Variants in ALDH9A1 observed in about 807,000 individuals in gnomAD.
ALDH9A1 encodes aldehyde dehydrogenase 9 family member A1.
A neutral mutation model predicts 56.6 loss-of-function variants in ALDH9A1; 42 were observed. The ratio of observed to expected loss-of-function variants is 0.74; its 90% confidence interval spans 0.58 to 0.96. The LOEUF (loss-of-function observed/expected upper bound fraction) is 0.96, where lower values mean the gene tolerates loss of function less well. Ranked by LOEUF, ALDH9A1 falls within the 40% of genes least tolerant of loss-of-function variation. ALDH9A1 has a pLI of 0.00. For synonymous variants in ALDH9A1, 242 were observed against 236.0 expected (o/e 1.03, Z -0.23); for missense variants, 661 against 651.5 (o/e 1.01, Z -0.16).
intron 2 of ALDH9A1, among the ~76,000 whole-genome samples, chr1:165,689,150 C>T (rs1571182735): frequency 6.6e-6 from 1 of 152,208 alleles, no homozygotes; most frequent in Non-Finnish European, 1.5e-5. Flanking sequence ...TTTGAGTTAT[C>T]TTTGGTTTAT....
intron 9 of ALDH9A1, among the ~76,000 whole-genome samples, chr1:165,666,842 T>G (rs960204947): frequency 2.0e-5 from 3 of 152,146 alleles, no homozygotes; most frequent in Non-Finnish European, 4.4e-5. Context: ...CACAAAGATA[T>G]TAATCATATT....
At chr1:165,696,117 G>T (rs1331988099) in intron 1 of ALDH9A1, among the ~76,000 whole-genome samples, 2 of 152,112 alleles carry the variant, frequency 1.3e-5, no homozygotes. Context: ...CTCCCCAAGT[G>T]CTGGGATTAC....
rs372810666 is a variant in ALDH9A1 at position 165,682,114 on chromosome 1, T to C, written c.585A>G (p.Leu195=). The C allele has an allele frequency of 1.0e-4, 164 of 1,613,990 alleles. No individual in the cohort carries two copies. Among genetic ancestry groups the C allele is most frequent in the Non-Finnish European group, 1.4e-4 (162 of 1,179,974 alleles). The change falls in exon 4 of 11, where the codon TTA becomes TTG. Residue 195 remains leucine, a synonymous_variant. Coordinates refer to ENST00000354775, the MANE Select transcript of ALDH9A1 (RefSeq NM_000696.4). ...QIASWKSAPA[L]ACGNAMVFKP... is the part of the protein sequence containing the mutation. ...GGGATAATTCATTCTTACCACAGGC[T>C]AATGCTGGAGCCGACTTCCAAGAGG...
chr1:165,687,527 T>C (rs1461188921), intron 2 of ALDH9A1, among the ~76,000 whole-genome samples: 1 of 152,064 alleles, frequency 6.6e-6, no homozygotes, highest in East Asian at 1.9e-4. Context: ...AAAATGACAG[T>C]AAATTTCTCT....
At chr1:165,666,276 T>C (rs1022221455) in intron 9 of ALDH9A1, among the ~76,000 whole-genome samples, 1 of 152,166 alleles carries the variant, frequency 6.6e-6, no homozygotes, top group African/African-American at 2.4e-5. Context: ...CAACAGTTAA[T>C]GGGCACAAGG....
At position 165,669,432 on chromosome 1, in the gene ALDH9A1, T is replaced by G. The variant is rs756027871; in HGVS notation, c.949A>C (p.Arg317=). 8 of 1,612,804 alleles carry G rather than the reference T, an allele frequency of 5.0e-6. No individual in the cohort carries two copies. The highest frequency in any genetic ancestry group is 6.8e-6 in the Non-Finnish European group (8 of 1,179,462). Residue 317 remains arginine, a synonymous_variant, in exon 7 of 11, where the codon AGA becomes CGA. Coordinates refer to ENST00000354775, the MANE Select transcript of ALDH9A1 (RefSeq NM_000696.4). Reference sequence around the variant, plus strand: ...AGAATTTCTTTCTGCACAAATACTCTTGTGCCATTACAGCAAACCTAAAGG... The same window carrying G: ...AGAATTTCTTTCTGCACAAATACTCGTGTGCCATTACAGCAAACCTAAAGG... ...TQGQVCCNGT[R]VFVQKEILDK...
chr1:165,663,817 G>A (rs1648917849), intron 10 of ALDH9A1, among the ~76,000 whole-genome samples: 1 of 152,198 alleles, frequency 6.6e-6, no homozygotes, highest in South Asian at 2.1e-4. Flanking sequence ...AAAGGTCCTG[G>A]GAAAACCTCA....
chr1:165,671,802 C>A, intron 6 of ALDH9A1: 1 of 237,258 alleles, frequency 4.2e-6, no homozygotes. Flanking sequence ...TGCAACATTT[C>A]CTTTTAGAGA....
chr1:165,670,095 C>T (rs918030819), intron 6 of ALDH9A1, among the ~76,000 whole-genome samples: 2 of 152,104 alleles, frequency 1.3e-5, no homozygotes, highest in Admixed American at 6.6e-5. Flanking sequence ...ACATATCTTA[C>T]ATCACATATA....
chr1:165,679,551 G>A lies in ALDH9A1; in HGVS notation c.821C>T (p.Pro274Leu). The change falls in exon 6 of 11, where the codon CCT (proline) becomes CTT (leucine). Residue 274 changes from proline to leucine, a missense_variant. By Grantham distance (98) the Pro-to-Leu change is moderately conservative (BLOSUM62 -3). Coordinates refer to ENST00000354775, the MANE Select transcript of ALDH9A1 (RefSeq NM_000696.4). ...TTTGCCTCCAAGTTCCAAGGTAACAGGTTTGATTCCTTTAGCTGACATCTC... is the reference window on the plus strand; with the variant it reads ...TTTGCCTCCAAGTTCCAAGGTAACAAGTTTGATTCCTTTAGCTGACATCTC... ...IMEMSAKGIK[P>L]VTLELGGKSP... The A allele has an allele frequency of 2.5e-6, 4 of 1,614,118 alleles. No individual in the cohort carries two copies. The highest frequency in any genetic ancestry group is 3.4e-6 in the Non-Finnish European group (4 of 1,180,014).
intron 2 of ALDH9A1, among the ~76,000 whole-genome samples, chr1:165,689,650 T>G (rs1649822637): frequency 2.0e-5 from 3 of 152,200 alleles, no homozygotes; most frequent in Admixed American, 2.0e-4. Context: ...ACAAAAAAAC[T>G]AGGCCGGATG....
chr1:165,692,087 T>C (rs1270896502), intron 2 of ALDH9A1, among the ~76,000 whole-genome samples: 6 of 152,164 alleles, frequency 3.9e-5, no homozygotes, highest in Admixed American at 3.9e-4. Context: ...TAAGAGCTAT[T>C]TATGACAAAC....
At chr1:165,686,811 G>A (rs1649723956) in intron 2 of ALDH9A1, among the ~76,000 whole-genome samples, 1 of 152,100 alleles carries the variant, frequency 6.6e-6, no homozygotes, top group Non-Finnish European at 1.5e-5. Flanking sequence ...TATGTCTAGT[G>A]ATCAAAAACT....
intron 6 of ALDH9A1, among the ~76,000 whole-genome samples, chr1:165,670,686 T>C (rs1427028785): frequency 6.6e-6 from 1 of 152,194 alleles, no homozygotes; most frequent in East Asian, 1.9e-4. Context: ...CTCTTAACAA[T>C]TAATGGAAAA....
At chr1:165,665,268 A>C in intron 9 of ALDH9A1, 138 bp from the exon 10 acceptor site, 4 of 698,784 alleles carry the variant, frequency 5.7e-6, no homozygotes, top group Middle Eastern at 6.4e-4. Context: ...AAAATCTTTT[A>C]TCATCCAGGC....
At chr1:165,679,326 A>G in intron 6 of ALDH9A1, 116 bp downstream of exon 6, 8 of 1,218,606 alleles carry the variant, frequency 6.6e-6, no homozygotes, top group Non-Finnish European at 9.1e-6. Flanking sequence ...TCTTTGTACT[A>G]TTTGTGCAAC....
chr1:165,670,874 C>G (rs1649156765), intron 6 of ALDH9A1, among the ~76,000 whole-genome samples: 1 of 152,148 alleles, frequency 6.6e-6, no homozygotes, highest in Admixed American at 6.5e-5. Context: ...TAGTTCAAAA[C>G]CAACCTGGCC....
chr1:165,678,870 G>A (rs564485954), intron 6 of ALDH9A1, among the ~76,000 whole-genome samples: 7 of 152,148 alleles, frequency 4.6e-5, no homozygotes, highest in Non-Finnish European at 8.8e-5. Flanking sequence ...AAATGTCAAC[G>A]TCCTGAAAGA....
intron 2 of ALDH9A1, among the ~76,000 whole-genome samples, chr1:165,683,893 A>G (rs1308823904): frequency 6.6e-6 from 1 of 152,226 alleles, no homozygotes; most frequent in Non-Finnish European, 1.5e-5. Flanking sequence ...TGAATATGTA[A>G]GAAGTAGGCA....
Sources: gnomAD v4.1 joint callset for allele counts (sites outside exome capture counted in the v4.1 genomes callset) on GRCh38, gnomAD v4.1.1 for gene constraint, MANE v1.5 for transcripts, NCBI Gene and HGNC (gene_info 2026-07-23, HGNC 2026-07-21) for gene names.